C8orf88: variants seen among roughly 807,000 people sequenced by gnomAD.
C8orf88 encodes chromosome 8 open reading frame 88.
In C8orf88, 14 loss-of-function variants were observed where a neutral mutation model predicts 18.4. The ratio of observed to expected loss-of-function variants is 0.76; its 90% CI spans 0.50 to 1.19. The LOEUF (loss-of-function observed/expected upper bound fraction) is 1.19, where lower values mean the gene tolerates loss of function less well. C8orf88 is among the 50% of genes most tolerant of loss of function. C8orf88 has a pLI of 0.00. For missense variants in C8orf88, 116 were observed against 134.7 expected, an observed-to-expected ratio of 0.86 and a Z score of 0.69; for synonymous variants, 45 against 42.9, an observed-to-expected ratio of 1.05 and a Z score of -0.19.
At chr8:90,984,532 C>T (rs1224121948) in intron 1 of C8orf88, among the ~76,000 whole-genome samples, 1 of 152,108 alleles carries the variant, frequency 6.6e-6, no homozygotes, top group Non-Finnish European at 1.5e-5. Context: ...AGAGTTCCAA[C>T]ATATCTTCCA....
At chr8:90,977,114 GGATA>G (rs1332038504) in intron 3 of C8orf88, among the ~76,000 whole-genome samples, 1 of 151,904 alleles carries the variant, frequency 6.6e-6, no homozygotes, top group East Asian at 1.9e-4. Flanking sequence ...TGGAAAAATG[GGATA>G]ATAATTTGCA....
In C8orf88 at chr8:90,976,385, G is replaced by C. The variant is rs567315417; in HGVS notation, c.147+2194C>G. Among the ~76,000 whole-genome samples the C allele has an allele frequency of 6.3e-4, 96 of 152,140 alleles. 1 individual carries two copies. Among genetic ancestry groups the C allele is most frequent in the African/African-American group, 2.1e-3 (87 of 41,538 alleles). On this transcript the variant is annotated intron_variant, in intron 3 of 5. Coordinates refer to ENST00000517562, the MANE Select transcript of C8orf88 (RefSeq NM_001190972.2). ...AGCAGACAAAACTGTACGTTTAGAA[G>C]TAATTTAATTCATAATTTGATTTTT...
chr8:90,969,623 C>T (rs1490541911), intron 4 of C8orf88, among the ~76,000 whole-genome samples: 1 of 151,836 alleles, frequency 6.6e-6, no homozygotes, highest in Non-Finnish European at 1.5e-5. Context: ...GTGTCTACTA[C>T]ATGGCCTAAG....
intron 4 of C8orf88, among the ~76,000 whole-genome samples, chr8:90,968,105 T>G (rs1192223910): frequency 6.6e-6 from 1 of 151,714 alleles, no homozygotes; most frequent in East Asian, 1.9e-4. Flanking sequence ...CAAAGACCCC[T>G]AAACAGCCAG....
At chr8:90,967,279 G>A (rs372648492) in intron 4 of C8orf88, among the ~76,000 whole-genome samples, 24 of 151,872 alleles carry the variant, frequency 1.6e-4, no homozygotes, top group African/African-American at 5.8e-4. Flanking sequence ...CTTGGACATG[G>A]TATATAATCT....
intron 1 of C8orf88, among the ~76,000 whole-genome samples, 190 bp downstream of exon 1, chr8:90,984,924 T>A (rs574171282): frequency 1.3e-5 from 2 of 152,202 alleles, no homozygotes; most frequent in East Asian, 3.9e-4. Flanking sequence ...CTCGCTCCCA[T>A]CCCACTCCCA....
At chr8:90,959,616 G>A (rs1811096219) in intron 5 of C8orf88, among the ~76,000 whole-genome samples, 1 of 151,336 alleles carries the variant, frequency 6.6e-6, no homozygotes, top group Non-Finnish European at 1.5e-5. Flanking sequence ...GAGATCTAAA[G>A]TTAGGGAGTT....
intron 1 of C8orf88, among the ~76,000 whole-genome samples, chr8:90,984,513 G>A (rs1811477599): frequency 6.6e-6 from 1 of 152,118 alleles, no homozygotes; most frequent in African/African-American, 2.4e-5. Flanking sequence ...CAAAAAACTA[G>A]AAGCTTGGAG....
intron 3 of C8orf88, among the ~76,000 whole-genome samples, chr8:90,974,610 T>C (rs552516399): frequency 1.2e-4 from 19 of 152,306 alleles, no homozygotes; most frequent in African/African-American, 4.6e-4. Flanking sequence ...AATTTTCAAA[T>C]ACTTTGTTAT....
intron 1 of C8orf88, among the ~76,000 whole-genome samples, chr8:90,982,431 G>C (rs564679063): frequency 6.6e-6 from 1 of 152,248 alleles, no homozygotes; most frequent in Non-Finnish European, 1.5e-5. Context: ...TGAAACTAGT[G>C]AATCAGAATA....
chr8:90,961,832 G>C (rs1811132797), intron 4 of C8orf88, among the ~76,000 whole-genome samples: 1 of 151,476 alleles, frequency 6.6e-6, no homozygotes, highest in Non-Finnish European at 1.5e-5. Context: ...TATAAAAACA[G>C]GAATTGGTCT....
intron 4 of C8orf88, among the ~76,000 whole-genome samples, chr8:90,961,975 T>C (rs1359252335): frequency 6.6e-6 from 1 of 151,502 alleles, no homozygotes; most frequent in Non-Finnish European, 1.5e-5. Context: ...GGCATATAAG[T>C]TGAAAGTAAA....
chr8:90,984,756 T>C (rs886587376), intron 1 of C8orf88, among the ~76,000 whole-genome samples: 1 of 152,092 alleles, frequency 6.6e-6, no homozygotes, highest in Non-Finnish European at 1.5e-5. Context: ...GGGCAAATCG[T>C]CTTGAAAGCC....
At chr8:90,968,781 A>ACT (rs1811242556) in intron 4 of C8orf88, among the ~76,000 whole-genome samples, 1 of 149,150 alleles carries the variant, frequency 6.7e-6, no homozygotes, top group Non-Finnish European at 1.5e-5. Flanking sequence ...TAACAAAACA[A>ACT]CTCAATAACA....
At position 90,980,377 on chromosome 8, in the gene C8orf88, A is replaced by G; in HGVS notation, c.59T>C (p.Leu20Pro). Residue 20 changes from leucine (L) to proline (P), a missense_variant, in exon 2 of 6, where the codon CTG becomes CCG. Leu to Pro is a moderately conservative substitution (Grantham distance 98). Transcript: ENST00000517562. ...PLQPARPVRH[L>P]TSPPGAVFPF... The stretch of plus-strand genomic sequence containing the variant: ...CTATTACTCACCTGGGGGAGAAGTC[A>G]GATGACGAACAGGTCTTGCTGGTTG... The G allele has an allele frequency of 6.5e-7, 1 of 1,530,658 alleles. No individual in the cohort carries two copies. The allele number at this position is 1,530,658 out of a possible 1,614,324, so 94.8% of individuals were successfully genotyped here.
intron 4 of C8orf88, among the ~76,000 whole-genome samples, chr8:90,967,802 T>C (rs1343656586): frequency 6.6e-6 from 1 of 151,724 alleles, no homozygotes; most frequent in Non-Finnish European, 1.5e-5. Flanking sequence ...GATCAATGAA[T>C]AATAAAAAGA....
At chr8:90,966,521 T>TAAA (rs1563552540) in intron 4 of C8orf88, among the ~76,000 whole-genome samples, 1 of 140,458 alleles carries the variant, frequency 7.1e-6, no homozygotes, top group Non-Finnish European at 1.5e-5. Context: ...ATAATAATAA[T>TAAA]AAAGAATTCA....
At chr8:90,981,959 C>A (rs987297524) in intron 1 of C8orf88, among the ~76,000 whole-genome samples, 1 of 151,960 alleles carries the variant, frequency 6.6e-6, no homozygotes, top group African/African-American at 2.4e-5. Flanking sequence ...AGTTAGTAAC[C>A]CTTTAAGTTC....
chr8:90,975,944 C>A (rs573619431), intron 3 of C8orf88, among the ~76,000 whole-genome samples: 89 of 131,004 alleles, frequency 6.8e-4, no homozygotes, highest in African/African-American at 2.2e-3. Flanking sequence ...AAAAAAAAAA[C>A]AACTACTGAT....
Sources: allele counts gnomAD v4.1 joint callset (sites outside exome capture counted in the v4.1 genomes callset), GRCh38; gene constraint gnomAD v4.1.1; transcripts MANE v1.5; gene names NCBI Gene and HGNC (gene_info 2026-07-23, HGNC 2026-07-21).